FAXDC2: variants seen among roughly 807,000 people sequenced by gnomAD.
FAXDC2 encodes the protein fatty acid hydroxylase domain-containing protein 2.
In FAXDC2, 41 loss-of-function variants were observed where a neutral mutation model predicts 40.9. The observed-to-expected ratio is 1.00, with a 90% CI of 0.78 to 1.30. FAXDC2 has a LOEUF of 1.30. FAXDC2 is among the 50% of genes most tolerant of loss of function. The pLI is 0.00. For synonymous variants in FAXDC2, 157 were observed against 149.3 expected (o/e 1.05, Z -0.38); for missense variants, 390 against 408.8 (o/e 0.95, Z 0.40).
chr5:154,837,270 C>CTT (rs113214394), intron 2 of FAXDC2, among the ~76,000 whole-genome samples: 1 of 151,764 alleles, frequency 6.6e-6, no homozygotes, highest in African/African-American at 2.4e-5. Flanking sequence ...GGAACTTGCT[C>CTT]TTTTTTTTGT....
chr5:154,821,072 G>A, intron 8 of FAXDC2, 188 bp downstream of exon 8: 1 of 580,048 alleles, frequency 1.7e-6, no homozygotes, highest in African/African-American at 1.9e-5. Flanking sequence ...ACCCCCAGTT[G>A]GAGGAGGACC....
intron 2 of FAXDC2, chr5:154,835,342 C>T (rs1760315038): frequency 5.8e-6 from 1 of 172,912 alleles, no homozygotes; most frequent in Non-Finnish European, 1.2e-5. Flanking sequence ...ACCCAGGGTC[C>T]CCTCCAATCC....
At chr5:154,835,341 C>T (rs1561657557) in intron 2 of FAXDC2, 1 of 173,130 alleles carries the variant, frequency 5.8e-6, no homozygotes, top group Non-Finnish European at 1.2e-5. Context: ...TACCCAGGGT[C>T]CCCTCCAATC....
chr5:154,831,051 C>G, intron 4 of FAXDC2, 129 bp from the exon 5 acceptor site: 1 of 1,140,252 alleles, frequency 8.8e-7, no homozygotes, highest in South Asian at 1.5e-5. Context: ...GGTCTTAGGG[C>G]TTGGGACCAA....
chr5:154,846,256 T>C (rs1459742199), intron 1 of FAXDC2, among the ~76,000 whole-genome samples: 1 of 145,574 alleles, frequency 6.9e-6, no homozygotes, highest in Non-Finnish European at 1.5e-5. Flanking sequence ...TAGCCATGAA[T>C]AGTGAACTAG....
Position 154,822,331 on chromosome 5 carries a change from T to C in FAXDC2, c.678+141A>G, listed in dbSNP as rs184497080. ...TTAGCACTTAACATAGCCTGGCATA[T>C]GGAAGGCTGACAATAAATGGTAGCT... is the stretch of plus-strand genomic sequence containing the variant. On this transcript the variant is annotated intron_variant, in intron 7 of 8. Transcript: ENST00000326080. The C allele has an allele frequency of 2.0e-3, 1,360 of 673,644 alleles. 10 individuals carry two copies. The highest frequency in any genetic ancestry group is 7.6e-3 in the Middle Eastern group (18 of 2,380). 41.7% of individuals were successfully genotyped at this position (673,644 alleles called of 1,614,324 possible). A position where few individuals can be genotyped will look rare whatever the true frequency, so the allele number is the denominator to read the frequency against.
chr5:154,837,722 C>T (rs1036771086), intron 2 of FAXDC2, among the ~76,000 whole-genome samples: 2 of 152,060 alleles, frequency 1.3e-5, no homozygotes, highest in Non-Finnish European at 2.9e-5. Flanking sequence ...CTGTGAAGTG[C>T]AGGAAAACGC....
intron 1 of FAXDC2, 101 bp from the exon 2 acceptor site, chr5:154,838,279 TG>T: frequency 1.9e-6 from 2 of 1,079,806 alleles, no homozygotes; most frequent in East Asian, 2.7e-5. Context: ...CAGTGATTTT[TG>T]AAAAAAAAAA....
At chr5:154,830,731 T>G in intron 5 of FAXDC2, 70 bp downstream of exon 5, 72 of 1,583,702 alleles carry the variant, frequency 4.5e-5, no homozygotes, top group Non-Finnish European at 6.0e-5. Context: ...GGGCCAGTGG[T>G]GAGAATTCTG....
rs369914460 is a variant in FAXDC2, at chr5:154,830,572, C to T, written c.366+229G>A. ...ACCACAGGCAGGTCCAGAGCCTGGG[C>T]CAGGAATCAAGAGACCAGAACACTG... On this transcript the variant is annotated intron_variant, in intron 5 of 8. Coordinates refer to ENST00000326080, the MANE Select transcript of FAXDC2 (RefSeq NM_032385.5). 70 of 440,682 alleles carry T rather than the reference C, an allele frequency of 1.6e-4. 1 individual carries two copies. In the South Asian group the frequency reaches 1.9e-3, roughly 12 times the overall value. The allele number at this position is 440,682 out of a possible 1,614,324, so 27.3% of individuals were successfully genotyped here.
In FAXDC2 at chr5:154,823,333, G is replaced by A. The variant is rs1453818621; in HGVS notation, c.572+54C>T. 7.8e-6 allele frequency: 12 copies of A among 1,543,006 alleles called. No homozygotes were observed. In the East Asian group the frequency reaches 2.5e-4, roughly 32 times the overall value. ...CTGGCCTCAGTTTCCTTGTTGATCA[G>A]TGAGCCCTAGACAGGATGAGGAGCC... On this transcript the variant is annotated intron_variant, in intron 6 of 8. Coordinates refer to ENST00000326080, the MANE Select transcript of FAXDC2 (RefSeq NM_032385.5).
intron 4 of FAXDC2, chr5:154,831,123 C>T (rs1345660423): frequency 4.0e-6 from 2 of 495,842 alleles, no homozygotes; most frequent in Admixed American, 3.2e-5. Flanking sequence ...TCTCCATTTT[C>T]TTAGCCATAA....
chr5:154,827,305 C>CAAA (rs1324808409), intron 5 of FAXDC2, among the ~76,000 whole-genome samples: 1 of 86,748 alleles, frequency 1.2e-5, no homozygotes, highest in African/African-American at 4.0e-5. Context: ...GAGACTGTCT[C>CAAA]AAAAAAAAAA....
chr5:154,825,668 A>AAAAAAAAAAAAAAAAAAAAG (rs70981954), intron 5 of FAXDC2, among the ~76,000 whole-genome samples: 30 of 143,336 alleles, frequency 2.1e-4, no homozygotes, highest in African/African-American at 7.9e-4. Flanking sequence ...AAAAAAAAAA[A>AAAAAAAAAAAAAAAAAAAAG]GCAGTAATAT....
Position 154,836,580 on chromosome 5 carries a change from A to G in FAXDC2, c.48+1551T>C, listed in dbSNP as rs556891256. On this transcript the variant is annotated intron_variant, in intron 2 of 8. Coordinates refer to ENST00000326080, the MANE Select transcript of FAXDC2 (RefSeq NM_032385.5). The stretch of plus-strand genomic sequence containing the variant: ...TGTGTGTGCCTGGGGCTCATCTGCA[A>G]TTAGCTAATGGGGCCATGTACAGGG... Among the ~76,000 whole-genome samples the G allele has an allele frequency of 8.5e-5, 13 of 152,204 alleles. No homozygotes were observed. The East Asian group carries it at 2.3e-3, about 27-fold the overall frequency.
intron 4 of FAXDC2, among the ~76,000 whole-genome samples, chr5:154,834,272 C>T (rs1439096761): frequency 2.0e-5 from 3 of 152,034 alleles, no homozygotes; most frequent in Non-Finnish European, 4.4e-5. Flanking sequence ...ACTGACTGTA[C>T]CAGGTACAGG....
In FAXDC2 at chr5:154,820,308, G is replaced by T; in HGVS notation, c.*8C>A. On this transcript the variant is annotated 3_prime_UTR_variant, in exon 9 of 9. Transcript: ENST00000326080. ...GAGGGACAGCCAGGATGACACTTAG[G>T]CTGTCTCTCACTCCATCCTCTTTGG... is the stretch of plus-strand genomic sequence containing the variant. 1 of 1,597,204 alleles carries T rather than the reference G, an allele frequency of 6.3e-7. No individual in the cohort carries two copies. Among genetic ancestry groups the T allele is most frequent in the Non-Finnish European group, 8.5e-7 (1 of 1,171,786 alleles).
intron 2 of FAXDC2, among the ~76,000 whole-genome samples, chr5:154,835,883 CTTTTTTTT>C (rs869068025): frequency 1.5e-3 from 74 of 47,874 alleles, no homozygotes; most frequent in African/African-American, 5.7e-3. Flanking sequence ...GCCCGGCCGA[CTTTTTTTT>C]TTTTTTTTTT....
At chr5:154,826,526 C>CT (rs1760040624) in intron 5 of FAXDC2, among the ~76,000 whole-genome samples, 1 of 125,288 alleles carries the variant, frequency 8.0e-6, no homozygotes, top group Admixed American at 8.8e-5. Flanking sequence ...AAGACTGTCT[C>CT]TAAAAAAAAA....
Sources: gnomAD v4.1 joint callset for allele counts (sites outside exome capture counted in the v4.1 genomes callset) on GRCh38, gnomAD v4.1.1 for gene constraint, MANE v1.5 for transcripts, NCBI Gene and HGNC (gene_info 2026-07-23, HGNC 2026-07-21) for gene names.